COL11A1: variants seen among roughly 807,000 people sequenced by gnomAD.
COL11A1 encodes the protein collagen type XI alpha 1 chain, also known as collagen alpha-1(XI) chain.
Under a neutral mutation model 265.2 loss-of-function variants are expected in COL11A1, and 74 were observed. The observed-to-expected ratio is 0.28, with a 90% CI of 0.23 to 0.34. The LOEUF is 0.34. Ranked by LOEUF, COL11A1 falls within the 10% of genes least tolerant of loss-of-function variation. The probability of loss-of-function intolerance (pLI) is 1.00; values close to 1 mark genes in which losing one functional copy is unlikely to be tolerated. For synonymous variants in COL11A1, 816 were observed against 727.6 expected (o/e 1.12, Z -1.96); for missense variants, 2,165 against 2,263.6 (o/e 0.96, Z 0.88).
intron 14 of COL11A1, among the ~76,000 whole-genome samples, chr1:103,009,661 AT>A (rs746274056): frequency 6.6e-6 from 1 of 152,214 alleles, no homozygotes. Flanking sequence ...ATCCATACAC[AT>A]TCCATTAAAT....
At chr1:103,073,488 G>A (rs1033737463) in intron 4 of COL11A1, among the ~76,000 whole-genome samples, 12 of 151,816 alleles carry the variant, frequency 7.9e-5, no homozygotes, top group African/African-American at 2.7e-4. Context: ...TGGGATATCT[G>A]AGAGTATATT....
intron 42 of COL11A1, among the ~76,000 whole-genome samples, chr1:102,941,817 T>C (rs1322366141): frequency 6.6e-6 from 1 of 152,190 alleles, no homozygotes; most frequent in African/African-American, 2.4e-5. Flanking sequence ...AGTGATTCTT[T>C]GCATATTATC....
At chr1:102,880,893 T>G (rs1481103971) in intron 65 of COL11A1, among the ~76,000 whole-genome samples, 2 of 152,042 alleles carry the variant, frequency 1.3e-5, no homozygotes, top group African/African-American at 4.8e-5. Context: ...TATATATTTT[T>G]AAACTTATAC....
At chr1:102,958,831 G>A (rs1660617498) in intron 41 of COL11A1, among the ~76,000 whole-genome samples, 1 of 152,140 alleles carries the variant, frequency 6.6e-6, no homozygotes, top group African/African-American at 2.4e-5. Flanking sequence ...GTTTTTGTGT[G>A]TGAATATTTC....
intron 1 of COL11A1, among the ~76,000 whole-genome samples, chr1:103,095,162 A>G (rs1336953296): frequency 6.6e-6 from 1 of 152,124 alleles, no homozygotes; most frequent in Non-Finnish European, 1.5e-5. Context: ...TCAATACTGC[A>G]TAAAATGGAA....
At chr1:103,043,798 G>A (rs1453045613) in intron 4 of COL11A1, among the ~76,000 whole-genome samples, 1 of 152,016 alleles carries the variant, frequency 6.6e-6, no homozygotes. Context: ...AGTTTCAGGA[G>A]TCTTAAAGTC....
In COL11A1 at chr1:102,989,312, A is replaced by G. The variant is rs113281880; in HGVS notation, c.2394+206T>C. Among the ~76,000 whole-genome samples, 2,678 of 152,124 alleles carry G rather than the reference A, an allele frequency of 0.018. 88 individuals carry two copies. Among genetic ancestry groups the G allele is most frequent in the African/African-American group, 0.062 (2,560 of 41,514 alleles). On this transcript the variant is annotated intron_variant, in intron 29 of 66. Coordinates refer to ENST00000370096, the MANE Select transcript of COL11A1 (RefSeq NM_001854.4). ...TGTTTATTATGGAACCTATGGAAAT[A>G]TAACATCTAAAAGACAATTGATACT... is the stretch of plus-strand genomic sequence containing the variant.
intron 24 of COL11A1, among the ~76,000 whole-genome samples, chr1:102,999,024 C>CT (rs1022143260): frequency 0.02 from 3,090 of 151,898 alleles, 101 homozygotes; most frequent in African/African-American, 0.071. Context: ...CTACAAGAAT[C>CT]AGACCTTTTC....
chr1:102,981,241 A>C (rs115219218), intron 31 of COL11A1, among the ~76,000 whole-genome samples: 1 of 152,200 alleles, frequency 6.6e-6, no homozygotes, highest in Admixed American at 6.6e-5. Flanking sequence ...CGTACTGGGG[A>C]AAAAAATCTC....
chr1:103,060,480 T>G (rs193007263), intron 4 of COL11A1, among the ~76,000 whole-genome samples: 1,615 of 152,298 alleles, frequency 0.011, 11 homozygotes, highest in Middle Eastern at 0.041. Flanking sequence ...GTATGAGTTT[T>G]TTCAAAATAA....
At chr1:103,009,151 C>T (rs1181290539) in intron 14 of COL11A1, among the ~76,000 whole-genome samples, 6 of 152,164 alleles carry the variant, frequency 3.9e-5, no homozygotes, top group South Asian at 2.1e-4. Context: ...TGGTGGCTCA[C>T]GCCTGTAATC....
At chr1:103,023,020 T>C (rs1247455215) in intron 7 of COL11A1, 24 bp from the exon 8 acceptor site, 1 of 1,605,452 alleles carries the variant, frequency 6.2e-7, no homozygotes, top group Non-Finnish European at 8.5e-7. Flanking sequence ...TTGCAAGGAA[T>C]TGAGGAACAT....
At chr1:102,935,997 T>G (rs1471790971) in intron 44 of COL11A1, among the ~76,000 whole-genome samples, 1 of 152,152 alleles carries the variant, frequency 6.6e-6, no homozygotes, top group Non-Finnish European at 1.5e-5. Context: ...TTAGCGCTTA[T>G]CATGTTGGTA....
intron 4 of COL11A1, among the ~76,000 whole-genome samples, chr1:103,032,242 C>T (rs1668048722): frequency 6.6e-6 from 1 of 152,028 alleles, no homozygotes; most frequent in Non-Finnish European, 1.5e-5. Flanking sequence ...ACTTAAAAGT[C>T]ATGCTAGCTT....
intron 12 of COL11A1, among the ~76,000 whole-genome samples, chr1:103,014,865 G>T (rs1168727729): frequency 1.3e-5 from 2 of 151,754 alleles, no homozygotes; most frequent in Non-Finnish European, 2.9e-5. Context: ...TATACCTCTG[G>T]AATAAACCAT....
In COL11A1 at chr1:102,947,800, G is replaced by T. The variant is rs113591961; in HGVS notation, c.3169-844C>A. 4.1e-3 allele frequency among the ~76,000 whole-genome samples: 625 copies of T among 151,880 alleles called. 5 individuals carry two copies. The highest frequency in any genetic ancestry group is 0.013 in the African/African-American group (534 of 41,540). On this transcript the variant is annotated intron_variant, in intron 41 of 66. Transcript: ENST00000370096. ...AATGCAAACATACATACTAAGTATTGTAAAGCTCAAGTATAATCTATTTCT... is the reference window on the plus strand; with the variant it reads ...AATGCAAACATACATACTAAGTATTTTAAAGCTCAAGTATAATCTATTTCT...
intron 30 of COL11A1, among the ~76,000 whole-genome samples, 174 bp downstream of exon 30, chr1:102,987,459 C>T (rs1015350184): frequency 2.0e-5 from 3 of 150,252 alleles, no homozygotes; most frequent in Admixed American, 6.6e-5. Context: ...TTTAATGTTG[C>T]CTAATATTAC....
chr1:103,012,277 A>G (rs1247023835), intron 14 of COL11A1, 136 bp downstream of exon 14: 2 of 666,444 alleles, frequency 3.0e-6, no homozygotes, highest in African/African-American at 3.7e-5. Context: ...GGATTTTTTT[A>G]ATGGAAACAA....
intron 64 of COL11A1, among the ~76,000 whole-genome samples, chr1:102,882,260 G>A (rs1417566508): frequency 1.3e-5 from 2 of 152,156 alleles, no homozygotes; most frequent in Non-Finnish European, 2.9e-5. Context: ...AGAATATTTA[G>A]AATCTTATAG....
Sources: gnomAD v4.1 joint callset for allele counts (sites outside exome capture counted in the v4.1 genomes callset) on GRCh38, gnomAD v4.1.1 for gene constraint, MANE v1.5 for transcripts, NCBI Gene and HGNC (gene_info 2026-07-23, HGNC 2026-07-21) for gene names.